CORIN: variants seen among roughly 807,000 people sequenced by gnomAD.
The protein encoded by CORIN is corin, serine peptidase, also known as atrial natriuretic peptide-converting enzyme.
A neutral mutation model predicts 125.3 loss-of-function variants in CORIN; 117 were observed. The observed-to-expected ratio is 0.93, with a 90% CI of 0.80 to 1.09. The LOEUF is 1.09. CORIN is among the 50% of genes least tolerant of loss of function. CORIN has a pLI of 0.00. For synonymous variants in CORIN, 450 were observed against 466.4 expected (o/e 0.96, Z 0.45); for missense variants, 1,253 against 1,306.7 (o/e 0.96, Z 0.63).
intron 5 of CORIN, among the ~76,000 whole-genome samples, chr4:47,697,660 T>C (rs143998718): frequency 0.014 from 2,081 of 152,068 alleles, 60 homozygotes; most frequent in African/African-American, 0.048. Flanking sequence ...GAGGTTGCAG[T>C]GAGCCAAGAT....
chr4:47,737,890 C>T (rs567753143), intron 5 of CORIN, among the ~76,000 whole-genome samples: 82 of 152,152 alleles, frequency 5.4e-4, no homozygotes, highest in African/African-American at 1.9e-3. Context: ...AAAGAATTGT[C>T]ATTATTTTTC....
chr4:47,650,785 T>G (rs1265546199), intron 13 of CORIN, among the ~76,000 whole-genome samples: 1 of 152,194 alleles, frequency 6.6e-6, no homozygotes, highest in Non-Finnish European at 1.5e-5. Context: ...TAAGCATCCT[T>G]AAGACAATGC....
chr4:47,735,063 T>C (rs1378481536), intron 5 of CORIN, among the ~76,000 whole-genome samples: 1 of 152,222 alleles, frequency 6.6e-6, no homozygotes, highest in African/African-American at 2.4e-5. Flanking sequence ...AAAAACTACA[T>C]TAGTTGTATT....
intron 1 of CORIN, among the ~76,000 whole-genome samples, chr4:47,824,766 A>C (rs906583597): frequency 2.0e-4 from 30 of 152,360 alleles, no homozygotes; most frequent in Admixed American, 9.1e-4. Flanking sequence ...GAATTCAAAA[A>C]ACCACAAAGG....
chr4:47,760,846 CTGCAGCTTCTAAA>C (rs1729413401), intron 4 of CORIN, among the ~76,000 whole-genome samples: 1 of 152,214 alleles, frequency 6.6e-6, no homozygotes, highest in Admixed American at 6.5e-5. Flanking sequence ...AGATGACTTG[CTGCAGCTTCTAAA>C]TGAGCACTTG....
intron 3 of CORIN, among the ~76,000 whole-genome samples, chr4:47,780,602 T>A (rs1332411115): frequency 6.6e-6 from 1 of 151,460 alleles, no homozygotes; most frequent in Non-Finnish European, 1.5e-5. Flanking sequence ...TCAAAGTTAA[T>A]TTTTTTTTAC....
chr4:47,760,883 C>A (rs1274044711), intron 4 of CORIN, among the ~76,000 whole-genome samples: 1 of 152,204 alleles, frequency 6.6e-6, no homozygotes, highest in Non-Finnish European at 1.5e-5. Flanking sequence ...CGTCATCTTG[C>A]ACATTTATGT....
intron 3 of CORIN, among the ~76,000 whole-genome samples, chr4:47,779,430 T>G (rs1046619984): frequency 4.0e-5 from 6 of 148,322 alleles, no homozygotes; most frequent in Non-Finnish European, 8.9e-5. Context: ...ATATTCTTTT[T>G]TTTTTCTTTT....
At chr4:47,754,881 A>G (rs2109855035) in intron 4 of CORIN, among the ~76,000 whole-genome samples, 1 of 152,304 alleles carries the variant, frequency 6.6e-6, no homozygotes, top group South Asian at 2.1e-4. Flanking sequence ...TCATATGTCA[A>G]CACAATGCCC....
At chr4:47,676,841 C>A (rs1007393964) in intron 9 of CORIN, among the ~76,000 whole-genome samples, 1 of 152,112 alleles carries the variant, frequency 6.6e-6, no homozygotes, top group African/African-American at 2.4e-5. Flanking sequence ...TTGATGCAAA[C>A]GGAAGTGCTC....
At position 47,610,632 on chromosome 4, in the gene CORIN, T is replaced by G. The variant is rs187604119; in HGVS notation, c.2541-6964A>C. Among the ~76,000 whole-genome samples the G allele has an allele frequency of 3.6e-4, 55 of 152,338 alleles. 1 individual carries two copies. The East Asian group carries it at 9.8e-3, about 27-fold the overall frequency. ...TTGTCAACTTTTCCTTTCGTTGCAATTGCTTTCAATATTTTTGTCATGTAA... is the reference window on the plus strand; with the variant it reads ...TTGTCAACTTTTCCTTTCGTTGCAAGTGCTTTCAATATTTTTGTCATGTAA... On this transcript the variant is annotated intron_variant, in intron 19 of 21. Transcript: ENST00000273857.
intron 5 of CORIN, among the ~76,000 whole-genome samples, chr4:47,703,049 A>T (rs182620376): frequency 0.037 from 5,638 of 152,172 alleles, 139 homozygotes; most frequent in Non-Finnish European, 0.052. Context: ...GGTATTTCTC[A>T]GCATTAGCAT....
intron 13 of CORIN, among the ~76,000 whole-genome samples, chr4:47,648,370 G>A (rs898320112): frequency 3.3e-5 from 5 of 152,088 alleles, no homozygotes; most frequent in Admixed American, 2.0e-4. Flanking sequence ...AGTTTGCCAG[G>A]GATTTAATTG....
At chr4:47,782,025 C>A (rs1730570898) in intron 3 of CORIN, among the ~76,000 whole-genome samples, 1 of 151,962 alleles carries the variant, frequency 6.6e-6, no homozygotes, top group Non-Finnish European at 1.5e-5. Flanking sequence ...AAAGAAGATA[C>A]AACAATTGTA....
At chr4:47,779,229 G>A (rs1030727163) in intron 3 of CORIN, among the ~76,000 whole-genome samples, 1 of 152,182 alleles carries the variant, frequency 6.6e-6, no homozygotes, top group African/African-American at 2.4e-5. Context: ...CACTTTGGGA[G>A]GCTGAGGCAG....
At chr4:47,633,978 T>C (rs1025969386) in intron 16 of CORIN, among the ~76,000 whole-genome samples, 1 of 152,302 alleles carries the variant, frequency 6.6e-6, no homozygotes, top group Admixed American at 6.5e-5. Flanking sequence ...CATTACAAGA[T>C]AAATTAATTC....
chr4:47,685,006 A>T (rs1207095001), intron 6 of CORIN, among the ~76,000 whole-genome samples: 2 of 152,186 alleles, frequency 1.3e-5, no homozygotes, highest in African/African-American at 2.4e-5. Context: ...GCTACAATGG[A>T]AAAGATGGAT....
intron 5 of CORIN, among the ~76,000 whole-genome samples, chr4:47,706,142 CTGAA>C (rs1726541114): frequency 6.6e-6 from 1 of 152,112 alleles, no homozygotes; most frequent in Admixed American, 6.5e-5. Flanking sequence ...TCTGTGGATG[CTGAA>C]TGGATTTTTC....
intron 3 of CORIN, among the ~76,000 whole-genome samples, chr4:47,767,928 C>T (rs1436810873): frequency 6.6e-6 from 1 of 152,194 alleles, no homozygotes; most frequent in Non-Finnish European, 1.5e-5. Context: ...TTGAACCTGT[C>T]AGGCCTCTGA....
Sources: gnomAD v4.1 joint callset for allele counts (sites outside exome capture counted in the v4.1 genomes callset) on GRCh38, gnomAD v4.1.1 for gene constraint, MANE v1.5 for transcripts, NCBI Gene and HGNC (gene_info 2026-07-23, HGNC 2026-07-21) for gene names.